Variants in NTNG1 observed in about 807,000 individuals in gnomAD.
The protein encoded by NTNG1 is netrin G1.
A neutral mutation model predicts 54.0 loss-of-function variants in NTNG1; 16 were observed. That is an observed-to-expected ratio of 0.30 (90% CI 0.20 to 0.45). NTNG1 has a LOEUF of 0.45. Among genes scored for constraint, NTNG1 ranks in the 20% least tolerant of loss-of-function variants. NTNG1 has a pLI of 1.00. For synonymous variants in NTNG1, 255 were observed against 263.1 expected (o/e 0.97, Z 0.30); for missense variants, 530 against 678.7 (o/e 0.78, Z 2.43).
rs1307349000 is a variant in NTNG1 at position 107,404,399 on chromosome 1, A to T, written c.1061-3283A>T. ...TTGTACATTGCCTAACTCTTGTTAT[A>T]AGAATGTTGCATGTGTTCAAAGACA... On this transcript the variant is annotated intron_variant, in intron 4 of 7. Transcript: ENST00000370068. Among the ~76,000 whole-genome samples the T allele has an allele frequency of 2.0e-5, 3 of 152,260 alleles. No individual in the cohort carries two copies. The East Asian group carries it at 5.8e-4, about 29-fold the overall frequency.
At chr1:107,436,580 C>A in intron 6 of NTNG1, 85 bp from the exon 7 acceptor site, 1 of 1,093,480 alleles carries the variant, frequency 9.1e-7, no homozygotes, top group Non-Finnish European at 1.3e-6. Context: ...GTAAGTGATG[C>A]ATTTAAGTAC....
intron 7 of NTNG1, 40 bp from the exon 8 acceptor site, chr1:107,480,571 C>T (rs1329100613): frequency 1.8e-6 from 1 of 561,598 alleles, no homozygotes; most frequent in Admixed American, 2.6e-5. Context: ...GCTTCTCCTC[C>T]CCGCGCCCAC....
At chr1:107,375,847 T>G (rs755579578) in intron 3 of NTNG1, among the ~76,000 whole-genome samples, 1 of 152,196 alleles carries the variant, frequency 6.6e-6, no homozygotes, top group African/African-American at 2.4e-5. Context: ...ATTCACACTT[T>G]TTTGCTCTTT....
intron 5 of NTNG1, among the ~76,000 whole-genome samples, chr1:107,424,903 T>A (rs748997346): frequency 6.6e-6 from 1 of 151,978 alleles, no homozygotes; most frequent in Non-Finnish European, 1.5e-5. Flanking sequence ...CTAGAGTGAA[T>A]GTAGAGAACA....
intron 2 of NTNG1, among the ~76,000 whole-genome samples, chr1:107,229,694 T>C (rs1458804105): frequency 6.6e-6 from 1 of 151,992 alleles, no homozygotes; most frequent in African/African-American, 2.4e-5. Flanking sequence ...AAGATTGCTA[T>C]GCCATGACAG....
At chr1:107,468,357 A>T (rs954329420) in intron 7 of NTNG1, among the ~76,000 whole-genome samples, 17 of 152,166 alleles carry the variant, frequency 1.1e-4, no homozygotes, top group Admixed American at 9.8e-4. Flanking sequence ...CTGCCTTTTA[A>T]AAAAACGCGT....
intron 7 of NTNG1, among the ~76,000 whole-genome samples, chr1:107,458,016 G>A (rs1291371233): frequency 6.6e-6 from 1 of 152,114 alleles, no homozygotes; most frequent in Non-Finnish European, 1.5e-5. Context: ...ATTAAAAGTT[G>A]CTCTCATTTG....
At chr1:107,171,302 A>C (rs185039948) in intron 2 of NTNG1, among the ~76,000 whole-genome samples, 2 of 152,126 alleles carry the variant, frequency 1.3e-5, no homozygotes, top group South Asian at 2.1e-4. Flanking sequence ...GTGTGTGTAT[A>C]TATATATTTA....
intron 3 of NTNG1, among the ~76,000 whole-genome samples, chr1:107,386,153 A>ATATATATATGTG (rs1671971558): frequency 8.7e-6 from 1 of 115,364 alleles, no homozygotes; most frequent in African/African-American, 3.0e-5. Context: ...ATGTGTGTAT[A>ATATATATATGTG]TATATATATA....
At chr1:107,436,525 A>G in intron 6 of NTNG1, 140 bp from the exon 7 acceptor site, 1 of 582,442 alleles carries the variant, frequency 1.7e-6, no homozygotes, top group South Asian at 4.2e-5. Flanking sequence ...GTTGTGAAAT[A>G]GCCATATTTG....
At chr1:107,470,451 T>G (rs1200343358) in intron 7 of NTNG1, among the ~76,000 whole-genome samples, 2 of 152,208 alleles carry the variant, frequency 1.3e-5, no homozygotes, top group African/African-American at 4.8e-5. Flanking sequence ...ACTGTTCACA[T>G]TTTGGTACAA....
intron 2 of NTNG1, among the ~76,000 whole-genome samples, chr1:107,248,467 T>C (rs540336336): frequency 1.5e-3 from 221 of 152,262 alleles, no homozygotes; most frequent in Non-Finnish European, 2.2e-3. Context: ...TCAACAGACA[T>C]GAGAGGTAAC....
rs370464511 is a variant in NTNG1 at position 107,304,657 on chromosome 1, G to A, written c.247-19625G>A. Among the ~76,000 whole-genome samples, 6 of 151,656 alleles carry A rather than the reference G, an allele frequency of 4.0e-5. No homozygotes were observed. The East Asian group carries it at 9.7e-4, about 24-fold the overall frequency. On this transcript the variant is annotated intron_variant, in intron 2 of 7. Coordinates refer to ENST00000370068, the MANE Select transcript of NTNG1 (RefSeq NM_001113226.3). Reference sequence around the variant, plus strand: ...TATTAATTTTCATGTAATTTATGACGAATTGTTTTGTCCTAGGGCTAATCT... The same window carrying A: ...TATTAATTTTCATGTAATTTATGACAAATTGTTTTGTCCTAGGGCTAATCT...
chr1:107,411,642 A>AT (rs1444779873), intron 5 of NTNG1, among the ~76,000 whole-genome samples: 1 of 152,044 alleles, frequency 6.6e-6, no homozygotes, highest in East Asian at 1.9e-4. Context: ...TAAAAGTTTC[A>AT]TTTGAATTGC....
chr1:107,289,691 A>G (rs1188261845), intron 2 of NTNG1, among the ~76,000 whole-genome samples: 1 of 152,190 alleles, frequency 6.6e-6, no homozygotes, highest in Non-Finnish European at 1.5e-5. Flanking sequence ...TCCACAAAGA[A>G]GAGATAACGT....
At chr1:107,196,917 T>C (rs1461830810) in intron 2 of NTNG1, among the ~76,000 whole-genome samples, 1 of 151,978 alleles carries the variant, frequency 6.6e-6, no homozygotes, top group East Asian at 1.9e-4. Flanking sequence ...TAAGAGCCTA[T>C]GAAAACCTTG....
chr1:107,341,443 A>G (rs1377780141), intron 3 of NTNG1, among the ~76,000 whole-genome samples: 2 of 152,084 alleles, frequency 1.3e-5, no homozygotes, highest in African/African-American at 2.4e-5. Context: ...AAAACTGGGA[A>G]TTACAAAGGG....
chr1:107,362,647 G>C (rs768447656), intron 3 of NTNG1, among the ~76,000 whole-genome samples: 2 of 152,198 alleles, frequency 1.3e-5, no homozygotes, highest in Non-Finnish European at 2.9e-5. Context: ...TGAAGCAGAG[G>C]TGTGGGCAGG....
chr1:107,244,078 G>C (rs1018544400), intron 2 of NTNG1, among the ~76,000 whole-genome samples: 18 of 152,268 alleles, frequency 1.2e-4, no homozygotes, highest in Middle Eastern at 6.8e-3. Context: ...AAACATGCTA[G>C]TATAATAAAT....
Sources: gnomAD v4.1 joint callset for allele counts (sites outside exome capture counted in the v4.1 genomes callset) on GRCh38, gnomAD v4.1.1 for gene constraint, MANE v1.5 for transcripts, NCBI Gene and HGNC (gene_info 2026-07-23, HGNC 2026-07-21) for gene names.